The following MAPKAPK2 variants were observed in gnomAD, a reference collection of about 807,000 sequenced individuals.
The protein encoded by MAPKAPK2 is MAPK activated protein kinase 2, also known as MAP kinase-activated protein kinase 2.
In MAPKAPK2, 9 loss-of-function variants were observed where a neutral mutation model predicts 48.8. That is an observed-to-expected ratio of 0.18 (90% CI 0.11 to 0.32). The LOEUF (loss-of-function observed/expected upper bound fraction) is 0.32, where lower values mean the gene tolerates loss of function less well. Among genes scored for constraint, MAPKAPK2 ranks in the 10% least tolerant of loss-of-function variants. The pLI, the probability that MAPKAPK2 is intolerant of heterozygous loss-of-function variation, is 1.00. For synonymous variants in MAPKAPK2, 202 were observed against 190.6 expected, an observed-to-expected ratio of 1.06 and a Z score of -0.49; for missense variants, 331 against 498.3, an observed-to-expected ratio of 0.66 and a Z score of 3.20.
chr1:206,685,953 G>A (rs1553425553), intron 1 of MAPKAPK2, among the ~76,000 whole-genome samples: 3 of 152,204 alleles, frequency 2.0e-5, no homozygotes, highest in African/African-American at 7.2e-5. Context: ...TTGGTTTGGA[G>A]AAGTCGGATC....
Position 206,732,521 on chromosome 1 carries a change from C to G in MAPKAPK2, c.1060-54C>G. ...CTCACGTCTCTCTTCTGCTGTCTCT[C>G]CTACCTGTCTTCTGGCTCTCTCTGT... On this transcript the variant is annotated intron_variant, in intron 9 of 9. Transcript: ENST00000367103. The surrounding 1 kb of genome is among the most constrained non-coding windows in gnomAD (Gnocchi z 4.4). The G allele has an allele frequency of 6.2e-7, 1 of 1,602,478 alleles. No homozygotes were observed. Among genetic ancestry groups the G allele is most frequent in the Non-Finnish European group, 8.5e-7 (1 of 1,172,768 alleles).
At chr1:206,697,906 T>A (rs1182956422) in intron 1 of MAPKAPK2, among the ~76,000 whole-genome samples, 3 of 152,252 alleles carry the variant, frequency 2.0e-5, no homozygotes. Flanking sequence ...CTAGGACCTG[T>A]CTGGGCCTCA....
chr1:206,692,744 C>T (rs1170418352), intron 1 of MAPKAPK2, among the ~76,000 whole-genome samples: 1 of 152,186 alleles, frequency 6.6e-6, no homozygotes, highest in African/African-American at 2.4e-5. Flanking sequence ...AACCTGAGCC[C>T]TCCAAAAGGG....
At chr1:206,723,914 C>T (rs1159883080) in intron 1 of MAPKAPK2, among the ~76,000 whole-genome samples, 2 of 152,238 alleles carry the variant, frequency 1.3e-5, no homozygotes, top group Non-Finnish European at 2.9e-5. Flanking sequence ...GGCAGGGGGC[C>T]TTGCCTGTGG....
chr1:206,721,331 C>G (rs557328419), intron 1 of MAPKAPK2, among the ~76,000 whole-genome samples: 50 of 152,286 alleles, frequency 3.3e-4, no homozygotes, highest in Non-Finnish European at 5.7e-4. Context: ...TATATCTTTT[C>G]TTTACAGATT....
rs1673965508 is a variant in MAPKAPK2 at position 206,732,730 on chromosome 1, C to T, written c.*12C>T. The T allele has an allele frequency of 1.2e-6, 2 of 1,613,972 alleles. No homozygotes were observed. Among genetic ancestry groups the T allele is most frequent in the Non-Finnish European group, 8.5e-7 (1 of 1,179,946 alleles). On this transcript the variant is annotated 3_prime_UTR_variant, in exon 10 of 10. Coordinates refer to ENST00000367103, the MANE Select transcript of MAPKAPK2 (RefSeq NM_032960.4). The surrounding 1 kb of genome is among the most constrained non-coding windows in gnomAD (Gnocchi z 4.4). ...CTCTGGCCCACTGAGCCACCGCGCC[C>T]TCCTGCCCACGGGAGGACAAGCAAT...
intron 1 of MAPKAPK2, among the ~76,000 whole-genome samples, chr1:206,688,590 G>A (rs10436961): frequency 0.2 from 30,057 of 152,086 alleles, 3,144 homozygotes; most frequent in Middle Eastern, 0.31. Flanking sequence ...TATTTGATAG[G>A]CACCTTACTT....
intron 1 of MAPKAPK2, among the ~76,000 whole-genome samples, chr1:206,725,717 T>C (rs1269400490): frequency 1.3e-5 from 2 of 152,144 alleles, no homozygotes; most frequent in African/African-American, 4.8e-5. Context: ...ATCTGACAAC[T>C]TTGATTCTTC....
At position 206,732,405 on chromosome 1, in the gene MAPKAPK2, C is replaced by T. The variant is rs1673947321; in HGVS notation, c.1060-170C>T. 2.7e-6 allele frequency: 4 copies of T among 1,456,870 alleles called. No homozygotes were observed. The highest frequency in any genetic ancestry group is 3.6e-6 in the Non-Finnish European group (4 of 1,103,652). The allele number at this position is 1,456,870 out of a possible 1,614,324, so 90.2% of individuals were successfully genotyped here. A position where few individuals can be genotyped will look rare whatever the true frequency, so the allele number is the denominator to read the frequency against. ...TCTGCTGCCCAGCGCTGGGGTGAGG[C>T]TGCCGTTGTCAGCGTGGACCACTAA... is the stretch of plus-strand genomic sequence containing the variant. On this transcript the variant is annotated intron_variant, in intron 9 of 9. Coordinates refer to ENST00000367103, the MANE Select transcript of MAPKAPK2 (RefSeq NM_032960.4). This position sits in a 1 kb window ranked among gnomAD's most constrained non-coding sequence, Gnocchi z 4.4.
In MAPKAPK2 at chr1:206,731,791, A is replaced by C. The variant is rs1673921445; in HGVS notation, c.979-48A>C. 2 of 1,609,488 alleles carry C rather than the reference A, an allele frequency of 1.2e-6. No individual in the cohort carries two copies. The highest frequency in any genetic ancestry group is 1.7e-5 in the Admixed American group (1 of 60,028). On this transcript the variant is annotated intron_variant, in intron 8 of 9. Transcript: ENST00000367103. The surrounding 1 kb of genome is among the most constrained non-coding windows in gnomAD (Gnocchi z 5.9). ...TATTCCACAGGACAGAGTCTTAGCC[A>C]GGACCCTACCCCAGGCTTTCACTCG...
intron 1 of MAPKAPK2, among the ~76,000 whole-genome samples, chr1:206,720,239 C>T (rs1248319451): frequency 2.6e-5 from 4 of 152,204 alleles, no homozygotes; most frequent in African/African-American, 4.8e-5. Flanking sequence ...GTAACATATA[C>T]TAATTGTAAA....
chr1:206,693,071 G>T (rs1558573222), intron 1 of MAPKAPK2, among the ~76,000 whole-genome samples: 1 of 152,164 alleles, frequency 6.6e-6, no homozygotes, highest in East Asian at 1.9e-4. Flanking sequence ...CTCCGGCGGG[G>T]CTCCTTATCC....
chr1:206,732,422 G>A lies in MAPKAPK2; in HGVS notation c.1060-153G>A, dbSNP rs1356255082. Reference sequence around the variant, plus strand: ...GGGTGAGGCTGCCGTTGTCAGCGTGGACCACTAACCAGCCCGTCTTCTCTC... The same window carrying A: ...GGGTGAGGCTGCCGTTGTCAGCGTGAACCACTAACCAGCCCGTCTTCTCTC... On this transcript the variant is annotated intron_variant, in intron 9 of 9. Transcript: ENST00000367103. The surrounding 1 kb of genome is among the most constrained non-coding windows in gnomAD (Gnocchi z 4.4). The A allele has an allele frequency of 1.7e-5, 25 of 1,467,098 alleles. No homozygotes were observed. Among genetic ancestry groups the A allele is most frequent in the Non-Finnish European group, 1.4e-5 (16 of 1,107,432 alleles). The allele number at this position is 1,467,098 out of a possible 1,614,324, so 90.9% of individuals were successfully genotyped here.
intron 1 of MAPKAPK2, 65 bp downstream of exon 1, chr1:206,685,573 G>A: frequency 7.5e-7 from 1 of 1,328,588 alleles, no homozygotes; most frequent in South Asian, 1.5e-5. Flanking sequence ...CACGGCGTCG[G>A]GTGCCCGTCC....
rs1382398893 is a variant in MAPKAPK2, at chr1:206,704,476, A to C, written c.279+18968A>C. Among the ~76,000 whole-genome samples, 1 of 152,202 alleles carries C rather than the reference A, an allele frequency of 6.6e-6. No individual in the cohort carries two copies. The highest frequency in any genetic ancestry group is 1.5e-5 in the Non-Finnish European group (1 of 68,036). On this transcript the variant is annotated intron_variant, in intron 1 of 9. Coordinates refer to ENST00000367103, the MANE Select transcript of MAPKAPK2 (RefSeq NM_032960.4). The surrounding 1 kb of genome is among the most constrained non-coding windows in gnomAD (Gnocchi z 4.3). Reference sequence around the variant, plus strand: ...CTCACTGACTGCTGATGTGTACAGTACATTGAAAGCAGTCACCCAACTTCC... The same window carrying C: ...CTCACTGACTGCTGATGTGTACAGTCCATTGAAAGCAGTCACCCAACTTCC...
intron 1 of MAPKAPK2, among the ~76,000 whole-genome samples, chr1:206,725,945 T>C (rs1673689353): frequency 6.6e-6 from 1 of 152,196 alleles, no homozygotes; most frequent in African/African-American, 2.4e-5. Context: ...CTATTTGGTT[T>C]TGACATTCAG....
intron 5 of MAPKAPK2, 44 bp downstream of exon 5, chr1:206,730,142 T>G (rs1673854768): frequency 1.2e-6 from 2 of 1,611,544 alleles, no homozygotes; most frequent in Admixed American, 3.3e-5. Context: ...TTCCCAGAAC[T>G]TTTCTCAGCC....
intron 1 of MAPKAPK2, among the ~76,000 whole-genome samples, chr1:206,706,198 C>T (rs542009499): frequency 6.6e-6 from 1 of 151,878 alleles, no homozygotes; most frequent in South Asian, 2.1e-4. Context: ...TCCTGGTCTT[C>T]CCACAGGGAC....
At chr1:206,693,922 A>C (rs1159923592) in intron 1 of MAPKAPK2, among the ~76,000 whole-genome samples, 2 of 152,178 alleles carry the variant, frequency 1.3e-5, no homozygotes, top group Non-Finnish European at 2.9e-5. Context: ...GCTCAGCCAC[A>C]TGCAGAATGT....
Sources: allele counts gnomAD v4.1 joint callset (sites outside exome capture counted in the v4.1 genomes callset), GRCh38; gene constraint gnomAD v4.1.1; non-coding constraint Gnocchi (gnomAD v3.1); transcripts MANE v1.5; gene names NCBI Gene and HGNC (gene_info 2026-07-23, HGNC 2026-07-21).